The following SAMD12 variants were observed in gnomAD, a reference collection of about 807,000 sequenced individuals.
SAMD12 encodes the protein sterile alpha motif domain-containing protein 12.
In SAMD12, 9 loss-of-function variants were observed where a neutral mutation model predicts 15.0. The observed-to-expected ratio is 0.60, with a 90% CI of 0.36 to 1.05. The LOEUF (loss-of-function observed/expected upper bound fraction) is 1.05. Ranked by LOEUF, SAMD12 falls within the 50% of genes least tolerant of loss-of-function variation. The pLI, the probability that SAMD12 is intolerant of heterozygous loss-of-function variation, is 0.01. For synonymous variants in SAMD12, 86 were observed against 90.1 expected (o/e 0.96, Z 0.25); for missense variants, 230 against 234.2 (o/e 0.98, Z 0.12).
intron 2 of SAMD12, among the ~76,000 whole-genome samples, chr8:118,565,632 A>T (rs910334727): frequency 6.6e-6 from 1 of 152,250 alleles, no homozygotes; most frequent in African/African-American, 2.4e-5. Context: ...TAGATTTACA[A>T]GTTACAGCCT....
intron 4 of SAMD12, among the ~76,000 whole-genome samples, chr8:118,320,816 T>TAATA (rs1563761118): frequency 3.4e-5 from 5 of 146,676 alleles, no homozygotes; most frequent in African/African-American, 1.2e-4. Context: ...TAAAGTATAA[T>TAATA]AAAAATATAT....
intron 1 of SAMD12, among the ~76,000 whole-genome samples, chr8:118,585,367 T>G (rs1016833207): frequency 3.9e-5 from 6 of 152,188 alleles, no homozygotes; most frequent in African/African-American, 1.2e-4. Flanking sequence ...AGATGGATGG[T>G]GATGATGGTT....
chr8:118,612,879 G>A (rs1828141454), intron 1 of SAMD12, among the ~76,000 whole-genome samples: 2 of 152,204 alleles, frequency 1.3e-5, no homozygotes, highest in Admixed American at 6.5e-5. Context: ...AATGAAAAGA[G>A]CTGAACTATT....
chr8:118,275,718 C>T (rs1813459303), intron 4 of SAMD12, among the ~76,000 whole-genome samples: 1 of 152,144 alleles, frequency 6.6e-6, no homozygotes. Flanking sequence ...CCCTCTCTCT[C>T]CTCTCTAGTA....
At chr8:118,150,177 A>G in the SAMD12 span, among the ~76,000 whole-genome samples, 1 of 152,196 alleles carries the variant, frequency 6.6e-6, no homozygotes, top group Non-Finnish European at 1.5e-5. Flanking sequence ...CTAGTTCCAA[A>G]TGTCAATAAT....
chr8:118,440,026 A>C, intron 2 of SAMD12, 65 bp from the exon 3 acceptor site: 7 of 1,531,796 alleles, frequency 4.6e-6, no homozygotes, highest in Non-Finnish European at 6.3e-6. Flanking sequence ...TATAGTTAAA[A>C]GTCTTAGAGT....
the SAMD12 span, among the ~76,000 whole-genome samples, chr8:118,176,411 T>G: frequency 1.4e-4 from 22 of 152,292 alleles, no homozygotes; most frequent in East Asian, 3.9e-3. Context: ...ATAGAATCAA[T>G]CTAGATGCTC....
intron 2 of SAMD12, among the ~76,000 whole-genome samples, chr8:118,499,761 T>C (rs79181231): frequency 0.041 from 6,185 of 152,252 alleles, 184 homozygotes; most frequent in Non-Finnish European, 0.064. Flanking sequence ...ATTACCAAGT[T>C]GAAGGCCAAG....
the SAMD12 span, among the ~76,000 whole-genome samples, chr8:118,184,139 A>T: frequency 6.6e-6 from 1 of 152,226 alleles, no homozygotes; most frequent in Non-Finnish European, 1.5e-5. Flanking sequence ...GATTCTCATT[A>T]TAGCAACCTT....
chr8:118,197,634 T>C (rs895365526), exon 5 of SAMD12: 3 of 1,200,910 alleles, frequency 2.5e-6, no homozygotes, highest in African/African-American at 1.5e-5. Context: ...GGCAGTGCCA[T>C]GGGTTAGTCT....
chr8:118,443,402 G>A (rs1479718105), intron 2 of SAMD12, among the ~76,000 whole-genome samples: 4 of 152,094 alleles, frequency 2.6e-5, no homozygotes, highest in Admixed American at 6.6e-5. Flanking sequence ...AGATTGCCTT[G>A]AGCAGAGATC....
intron 4 of SAMD12, among the ~76,000 whole-genome samples, chr8:118,200,321 C>G (rs779103714): frequency 6.6e-6 from 1 of 150,526 alleles, no homozygotes; most frequent in Non-Finnish European, 1.5e-5. Context: ...ATATTCTGAG[C>G]CTTTCCCATC....
chr8:118,286,764 G>A (rs961498183), intron 4 of SAMD12, among the ~76,000 whole-genome samples: 3 of 152,218 alleles, frequency 2.0e-5, no homozygotes, highest in African/African-American at 7.2e-5. Context: ...ATTCCATTGA[G>A]AATGGTAAAG....
chr8:118,281,787 A>G (rs1813657730), intron 4 of SAMD12, among the ~76,000 whole-genome samples: 1 of 152,206 alleles, frequency 6.6e-6, no homozygotes, highest in Non-Finnish European at 1.5e-5. Flanking sequence ...GAATGGTTAA[A>G]AGCCCTTCTC....
chr8:118,472,685 T>TA (rs897318206), intron 2 of SAMD12, among the ~76,000 whole-genome samples: 25 of 152,034 alleles, frequency 1.6e-4, no homozygotes, highest in Admixed American at 5.2e-4. Context: ...TAATAAATGT[T>TA]AAAAAAATTA....
chr8:118,507,093 C>T (rs1297891231), intron 2 of SAMD12, among the ~76,000 whole-genome samples: 7 of 152,036 alleles, frequency 4.6e-5, no homozygotes, highest in African/African-American at 1.7e-4. Flanking sequence ...TCATTTTTCC[C>T]GGTCTTGGCT....
At chr8:118,469,197 C>CT (rs373397802) in intron 2 of SAMD12, among the ~76,000 whole-genome samples, 1 of 151,644 alleles carries the variant, frequency 6.6e-6, no homozygotes, top group African/African-American at 2.4e-5. Context: ...TTGTTGTGTA[C>CT]TTTTTTTGTG....
At chr8:118,503,283 G>T (rs188048690) in intron 2 of SAMD12, among the ~76,000 whole-genome samples, 1 of 152,308 alleles carries the variant, frequency 6.6e-6, no homozygotes, top group East Asian at 1.9e-4. Context: ...ACTAGAAAAT[G>T]AGCTCTCCTA....
chr8:118,512,077 T>C (rs566581113), intron 2 of SAMD12, among the ~76,000 whole-genome samples: 1 of 152,078 alleles, frequency 6.6e-6, no homozygotes, highest in Non-Finnish European at 1.5e-5. Context: ...CTGCATCCAC[T>C]CCTCCTCATT....
Sources: allele counts gnomAD v4.1 joint callset (sites outside exome capture counted in the v4.1 genomes callset), GRCh38; gene constraint gnomAD v4.1.1; transcripts MANE v1.5; gene names NCBI Gene and HGNC (gene_info 2026-07-23, HGNC 2026-07-21).